Variants in NFAT5 observed in about 807,000 individuals in gnomAD.
NFAT5 encodes nuclear factor of activated T-cells 5.
NFAT5 carries 31 observed loss-of-function variants against 166.5 expected under a neutral mutation model. The observed-to-expected ratio is 0.19, with a 90% CI of 0.14 to 0.25. The LOEUF is 0.25. Ranked by LOEUF, NFAT5 falls within the 10% of genes least tolerant of loss-of-function variation. The pLI is 1.00. For synonymous variants in NFAT5, 612 were observed against 639.7 expected (o/e 0.96, Z 0.65); for missense variants, 1,449 against 1,821.8 (o/e 0.80, Z 3.72).
intron 2 of NFAT5, among the ~76,000 whole-genome samples, chr16:69,605,372 G>A (rs774154791): frequency 6.6e-6 from 1 of 152,092 alleles, no homozygotes; most frequent in Non-Finnish European, 1.5e-5. Context: ...CCCAGGAGGC[G>A]GAGGTTGCAG....
rs2037923459 is a variant in NFAT5, at chr16:69,702,968, T to G, written c.*6617T>G. 6.6e-6 allele frequency: 1 copy of G among 152,668 alleles called. No homozygotes were observed. Among genetic ancestry groups the G allele is most frequent in the Non-Finnish European group, 1.5e-5 (1 of 68,044 alleles). 9.5% of individuals were successfully genotyped at this position (152,668 alleles called of 1,614,324 possible). A position where few individuals can be genotyped will look rare whatever the true frequency, so the allele number is the denominator to read the frequency against. On this transcript the variant is annotated 3_prime_UTR_variant, in exon 15 of 15. Transcript: ENST00000349945. ...TAAAAGGTTTACATTAAATGACTGA[T>G]TTAAATATATAGGTGCAATGTTCTA...
intron 2 of NFAT5, among the ~76,000 whole-genome samples, chr16:69,580,174 A>G (rs886774834): frequency 1.3e-5 from 2 of 151,944 alleles, no homozygotes; most frequent in African/African-American, 4.8e-5. Flanking sequence ...TAATGTAATT[A>G]CATATTAAAT....
intron 2 of NFAT5, among the ~76,000 whole-genome samples, chr16:69,590,526 T>A (rs1417946179): frequency 6.6e-6 from 1 of 152,242 alleles, no homozygotes; most frequent in Non-Finnish European, 1.5e-5. Flanking sequence ...AAATTGTTAT[T>A]CATAGCTACT....
At position 69,702,993 on chromosome 16, in the gene NFAT5, A is replaced by G. The variant is rs181593201; in HGVS notation, c.*6642A>G. 3.9e-5 allele frequency: 6 copies of G among 152,746 alleles called. No homozygotes were observed. The East Asian group carries it at 1.2e-3, about 29-fold the overall frequency. 9.5% of individuals were successfully genotyped at this position (152,746 alleles called of 1,614,324 possible). ...TTTAAATATATAGGTGCAATGTTCT[A>G]TGTTTATTTTAATTGTTATGACATT... is the stretch of plus-strand genomic sequence containing the variant. On this transcript the variant is annotated 3_prime_UTR_variant, in exon 15 of 15. Transcript: ENST00000349945.
At chr16:69,616,667 A>T (rs900012896) in intron 2 of NFAT5, among the ~76,000 whole-genome samples, 1 of 151,948 alleles carries the variant, frequency 6.6e-6, no homozygotes, top group Non-Finnish European at 1.5e-5. Context: ...CTGCACAGAT[A>T]TTCATATATT....
chr16:69,598,276 C>T (rs2032919804), intron 2 of NFAT5, among the ~76,000 whole-genome samples: 1 of 150,440 alleles, frequency 6.6e-6, no homozygotes, highest in African/African-American at 2.4e-5. Context: ...TACTCAGGAG[C>T]CTGAAGTAGG....
chr16:69,657,758 CAAAAAAAAAA>C (rs1161075361), intron 6 of NFAT5, among the ~76,000 whole-genome samples: 1 of 51,264 alleles, frequency 2.0e-5, no homozygotes, highest in South Asian at 7.2e-4. Context: ...GACTCCATCT[CAAAAAAAAAA>C]AAAAAAAAAG....
intron 2 of NFAT5, among the ~76,000 whole-genome samples, chr16:69,573,294 T>G (rs2016547105): frequency 6.6e-6 from 1 of 152,176 alleles, no homozygotes; most frequent in Non-Finnish European, 1.5e-5. Context: ...TACTTCATAG[T>G]GCAAAAATGG....
Position 69,628,030 on chromosome 16 carries a change from T to C in NFAT5, c.253+1502T>C, listed in dbSNP as rs562945537. The stretch of plus-strand genomic sequence containing the variant: ...AAGATACGTTGAATCTATATAGAAC[T>C]AAAAGTCTGTTTCTTCTGTGCTTTT... On this transcript the variant is annotated intron_variant, in intron 3 of 14. Transcript: ENST00000349945. Among the ~76,000 whole-genome samples the C allele has an allele frequency of 3.9e-5, 6 of 152,292 alleles. No homozygotes were observed. The South Asian group carries it at 6.2e-4, about 16-fold the overall frequency.
chr16:69,640,875 G>T (rs922198250), intron 3 of NFAT5, among the ~76,000 whole-genome samples: 1 of 151,972 alleles, frequency 6.6e-6, no homozygotes, highest in African/African-American at 2.4e-5. Flanking sequence ...CAGCTACTTG[G>T]GTGGCTGAGG....
intron 2 of NFAT5, among the ~76,000 whole-genome samples, chr16:69,592,299 C>G (rs1056080214): frequency 6.6e-6 from 1 of 151,960 alleles, no homozygotes; most frequent in Non-Finnish European, 1.5e-5. Context: ...AGGCTGGTCT[C>G]GAACTCATGA....
chr16:69,680,948 C>T (rs922883494), intron 10 of NFAT5, among the ~76,000 whole-genome samples: 2 of 151,984 alleles, frequency 1.3e-5, no homozygotes, highest in African/African-American at 4.8e-5. Flanking sequence ...TTAGTAGAGA[C>T]GGGGTTTCAC....
intron 2 of NFAT5, among the ~76,000 whole-genome samples, chr16:69,599,467 C>G (rs1460383023): frequency 6.6e-6 from 1 of 152,114 alleles, no homozygotes; most frequent in East Asian, 1.9e-4. Flanking sequence ...ATCCCAGCTG[C>G]TCGGGAGGCA....
intron 7 of NFAT5, among the ~76,000 whole-genome samples, chr16:69,661,079 A>AC (rs1255730103): frequency 1.1e-4 from 10 of 94,888 alleles, no homozygotes; most frequent in Admixed American, 5.7e-4. Flanking sequence ...ACCCCCCACC[A>AC]CCCTTTTTTT....
chr16:69,566,489 C>A lies in NFAT5; in HGVS notation c.73+115C>A. On this transcript the variant is annotated intron_variant, in intron 1 of 14. Transcript: ENST00000349945. The surrounding 1 kb of genome is among the most constrained non-coding windows in gnomAD (Gnocchi z 5.7). ...GCCGGGGGCGGCTGAGCCGCGACCC[C>A]CATGGCTTCTTTGGCCGGAGCGGGC... 1 of 892,918 alleles carries A rather than the reference C, an allele frequency of 1.1e-6. No individual in the cohort carries two copies. The highest frequency in any genetic ancestry group is 1.4e-5 in the South Asian group (1 of 70,442). The allele number at this position is 892,918 out of a possible 1,614,324, so 55.3% of individuals were successfully genotyped here.
chr16:69,683,119 G>A (rs2037139115), intron 10 of NFAT5, among the ~76,000 whole-genome samples: 1 of 152,186 alleles, frequency 6.6e-6, no homozygotes, highest in Admixed American at 6.5e-5. Flanking sequence ...GCTAAGGCAG[G>A]AGAATCGCTT....
intron 2 of NFAT5, among the ~76,000 whole-genome samples, chr16:69,609,190 T>G (rs145260515): frequency 6.6e-6 from 1 of 152,238 alleles, no homozygotes; most frequent in African/African-American, 2.4e-5. Context: ...TGTTCTTTCC[T>G]AGACTCTTCA....
chr16:69,626,448 C>T lies in NFAT5; in HGVS notation c.173C>T (p.Ser58Phe). 2.5e-6 allele frequency: 4 copies of T among 1,594,930 alleles called. No homozygotes were observed. Among genetic ancestry groups the T allele is most frequent in the Non-Finnish European group, 2.6e-6 (3 of 1,171,056 alleles). The change falls in exon 3 of 15, where the codon TCT (serine) becomes TTT (phenylalanine). Residue 58 changes from serine (S) to phenylalanine (F), a missense_variant. Ser to Phe is a radical substitution (Grantham distance 155, BLOSUM62 -2). This residue lies in a region of NFAT5 where 172 missense variants were observed against 194.5 expected (regional missense o/e 0.88). Coordinates refer to ENST00000349945, the MANE Select transcript of NFAT5 (RefSeq NM_138713.4). The stretch of plus-strand genomic sequence containing the variant: ...CCAAAGGAGTTACAGTTACCTCCAT[C>T]TAGAGAAACATCTGTAGCATCAATG... ...LLPKELQLPP[S>F]RETSVASMSQ...
chr16:69,701,688 A>G lies in NFAT5; in HGVS notation c.*5337A>G, dbSNP rs550918209. 2.7e-4 allele frequency: 41 copies of G among 152,368 alleles called. No individual in the cohort carries two copies. Among genetic ancestry groups the G allele is most frequent in the Admixed American group, 3.9e-4 (6 of 15,302 alleles). 9.4% of individuals were successfully genotyped at this position (152,368 alleles called of 1,614,324 possible). On this transcript the variant is annotated 3_prime_UTR_variant, in exon 15 of 15. Coordinates refer to ENST00000349945, the MANE Select transcript of NFAT5 (RefSeq NM_138713.4). ...TAGCATCTGTGAAACTCCATGCACCAGATGTGTGTAAATTTCAGGAAGAAA... is the reference window on the plus strand; with the variant it reads ...TAGCATCTGTGAAACTCCATGCACCGGATGTGTGTAAATTTCAGGAAGAAA...
Sources: gnomAD v4.1 joint callset for allele counts (sites outside exome capture counted in the v4.1 genomes callset) on GRCh38, gnomAD v4.1.1 for gene constraint, gnomAD v4.1.1 regional missense constraint, Gnocchi (gnomAD v3.1) non-coding constraint, MANE v1.5 for transcripts, NCBI Gene and HGNC (gene_info 2026-07-23, HGNC 2026-07-21) for gene names.